SCHIP1: variants seen among roughly 807,000 people sequenced by gnomAD.
The protein encoded by SCHIP1 is schwannomin interacting protein 1, also known as schwannomin-interacting protein 1.
In SCHIP1, 8 loss-of-function variants were observed where a neutral mutation model predicts 29.7. The ratio of observed to expected loss-of-function variants is 0.27; its 90% CI spans 0.16 to 0.49. The LOEUF (loss-of-function observed/expected upper bound fraction) is 0.49, where lower values mean the gene tolerates loss of function less well. SCHIP1 is among the 20% of genes least tolerant of loss of function. The pLI, the probability that SCHIP1 is intolerant of heterozygous loss-of-function variation, is 0.99. For synonymous variants in SCHIP1, 76 were observed against 94.9 expected, an observed-to-expected ratio of 0.80 and a Z score of 1.16; for missense variants, 193 against 294.6, an observed-to-expected ratio of 0.66 and a Z score of 2.52.
chr3:159,399,642 T>A, the SCHIP1 span, among the ~76,000 whole-genome samples: 1 of 152,266 alleles, frequency 6.6e-6, no homozygotes, highest in East Asian at 1.9e-4. Flanking sequence ...GTAGTGATTC[T>A]CAAATTTAGA....
chr3:159,701,182 T>A, the SCHIP1 span, among the ~76,000 whole-genome samples: 1 of 152,244 alleles, frequency 6.6e-6, no homozygotes, highest in Non-Finnish European at 1.5e-5. Flanking sequence ...GTAAACTTTT[T>A]TACCCTTTCT....
the SCHIP1 span, among the ~76,000 whole-genome samples, chr3:159,456,690 G>A: frequency 2.0e-4 from 31 of 152,122 alleles, no homozygotes; most frequent in African/African-American, 7.2e-4. Flanking sequence ...AGTTTAACAC[G>A]GTAACAGGCT....
At chr3:159,490,869 G>T in the SCHIP1 span, among the ~76,000 whole-genome samples, 1 of 152,156 alleles carries the variant, frequency 6.6e-6, no homozygotes, top group East Asian at 1.9e-4. Context: ...AATTGATTCA[G>T]TGAGTATGGC....
the SCHIP1 span, among the ~76,000 whole-genome samples, chr3:159,329,191 A>G: frequency 6.6e-6 from 1 of 152,120 alleles, no homozygotes; most frequent in Non-Finnish European, 1.5e-5. Context: ...CCAAACATAC[A>G]TACACACACA....
the SCHIP1 span, among the ~76,000 whole-genome samples, chr3:159,525,890 T>A: frequency 6.6e-6 from 1 of 152,188 alleles, no homozygotes; most frequent in Non-Finnish European, 1.5e-5. Context: ...AATAAGCACA[T>A]GGAAAAAATG....
the SCHIP1 span, among the ~76,000 whole-genome samples, chr3:159,790,182 A>G: frequency 3.3e-5 from 5 of 152,112 alleles, no homozygotes; most frequent in Non-Finnish European, 7.3e-5. Flanking sequence ...CTCAGACTCT[A>G]CTCAGCAGCT....
the SCHIP1 span, among the ~76,000 whole-genome samples, chr3:159,678,843 G>A: frequency 6.6e-6 from 1 of 152,216 alleles, no homozygotes; most frequent in Non-Finnish European, 1.5e-5. Flanking sequence ...ATAAGGAAAG[G>A]CGGGGGAAAC....
At chr3:159,274,994 C>T in the SCHIP1 span, 4 of 982,444 alleles carry the variant, frequency 4.1e-6, no homozygotes, top group Non-Finnish European at 4.8e-6. Flanking sequence ...AAGTGAATTA[C>T]TGTTGCTTCT....
the SCHIP1 span, among the ~76,000 whole-genome samples, chr3:159,715,881 AT>A: frequency 2.0e-5 from 3 of 152,238 alleles, no homozygotes; most frequent in African/African-American, 7.2e-5. Context: ...CAACATTCAA[AT>A]TCAGGAAATA....
chr3:159,876,022 T>A (rs1275240911), intron 2 of SCHIP1, among the ~76,000 whole-genome samples: 1 of 152,136 alleles, frequency 6.6e-6, no homozygotes, highest in Non-Finnish European at 1.5e-5. Context: ...GAAAACAAGA[T>A]CCAATGGCTA....
intron 2 of SCHIP1, among the ~76,000 whole-genome samples, chr3:159,877,086 C>T (rs1577476416): frequency 6.6e-6 from 1 of 152,306 alleles, no homozygotes. Flanking sequence ...CAGTGGCTCA[C>T]GCCTGTAATC....
At chr3:159,409,516 A>G in the SCHIP1 span, among the ~76,000 whole-genome samples, 1 of 152,258 alleles carries the variant, frequency 6.6e-6, no homozygotes, top group African/African-American at 2.4e-5. Flanking sequence ...AGAAATTTAA[A>G]AACTAGTCTC....
the SCHIP1 span, among the ~76,000 whole-genome samples, chr3:159,352,253 CAT>C: frequency 6.6e-6 from 1 of 152,274 alleles, no homozygotes; most frequent in East Asian, 1.9e-4. Context: ...CCATCATGCT[CAT>C]AGGTTTCATT....
At chr3:159,537,956 ATT>A in the SCHIP1 span, among the ~76,000 whole-genome samples, 5 of 152,158 alleles carry the variant, frequency 3.3e-5, no homozygotes, top group African/African-American at 1.2e-4. Flanking sequence ...GCACAAACTC[ATT>A]TAACTCTTGA....
At chr3:159,781,523 A>G in the SCHIP1 span, among the ~76,000 whole-genome samples, 1 of 152,248 alleles carries the variant, frequency 6.6e-6, no homozygotes. Flanking sequence ...TCAGCAAAGC[A>G]TAGCACACAA....
the SCHIP1 span, among the ~76,000 whole-genome samples, chr3:159,301,760 C>G: frequency 0.011 from 1,657 of 152,276 alleles, 19 homozygotes; most frequent in African/African-American, 0.019. Context: ...TGTAAGTTTT[C>G]TGGGGCCTCC....
the SCHIP1 span, among the ~76,000 whole-genome samples, chr3:159,416,191 T>C: frequency 6.6e-6 from 1 of 152,198 alleles, no homozygotes; most frequent in Non-Finnish European, 1.5e-5. Context: ...GTGCCCTCTT[T>C]TCCAAAATCT....
At chr3:159,668,376 C>CAAAAAAAAAAAAAAAAAAAAAAAAAAAAA in the SCHIP1 span, among the ~76,000 whole-genome samples, 1 of 46,414 alleles carries the variant, frequency 2.2e-5, no homozygotes, top group African/African-American at 9.6e-5. Context: ...GACTCCGTCT[C>CAAAAAAAAAAAAAAAAAAAAAAAAAAAAA]AAAAAAAAAA....
At chr3:159,625,600 T>A in the SCHIP1 span, among the ~76,000 whole-genome samples, 26 of 152,284 alleles carry the variant, frequency 1.7e-4, no homozygotes, top group South Asian at 5.2e-3. Flanking sequence ...TTCACGTTAG[T>A]AGTTTGCAAT....
Sources: allele counts gnomAD v4.1 joint callset (sites outside exome capture counted in the v4.1 genomes callset), GRCh38; gene constraint gnomAD v4.1.1; transcripts MANE v1.5; gene names NCBI Gene and HGNC (gene_info 2026-07-23, HGNC 2026-07-21).